Variants in GRM7 observed in about 807,000 individuals in gnomAD.
GRM7 encodes metabotropic glutamate receptor 7.
Under a neutral mutation model 84.5 loss-of-function variants are expected in GRM7, and 35 were observed. The ratio of observed to expected loss-of-function variants is 0.41; its 90% confidence interval spans 0.32 to 0.55. The LOEUF (loss-of-function observed/expected upper bound fraction) is 0.55, where lower values mean the gene tolerates loss of function less well. Ranked by LOEUF, GRM7 falls within the 20% of genes least tolerant of loss-of-function variation. GRM7 has a pLI of 0.19. For synonymous variants in GRM7, 487 were observed against 455.1 expected (o/e 1.07, Z -0.89); for missense variants, 1,003 against 1,194.6 (o/e 0.84, Z 2.36).
intron 7 of GRM7, among the ~76,000 whole-genome samples, chr3:7,532,351 G>A (rs1199163354): frequency 6.6e-6 from 1 of 152,104 alleles, no homozygotes; most frequent in Non-Finnish European, 1.5e-5. Context: ...TAGTTTTGGA[G>A]GGTGTATGCG....
At chr3:6,892,026 G>A (rs955737771) in intron 1 of GRM7, among the ~76,000 whole-genome samples, 12 of 151,768 alleles carry the variant, frequency 7.9e-5, no homozygotes, top group South Asian at 6.2e-4. Context: ...TGGTTGCATC[G>A]GCTCCTGAGG....
intron 4 of GRM7, among the ~76,000 whole-genome samples, chr3:7,394,256 A>G (rs1461230648): frequency 2.6e-5 from 4 of 152,194 alleles, no homozygotes; most frequent in Non-Finnish European, 5.9e-5. Flanking sequence ...TCTGCTATAA[A>G]TCCACCTACT....
chr3:7,601,759 G>T (rs954934642), intron 8 of GRM7, among the ~76,000 whole-genome samples: 5 of 152,060 alleles, frequency 3.3e-5, no homozygotes, highest in Non-Finnish European at 5.9e-5. Flanking sequence ...CTGGGGCCAT[G>T]TACCTCTTTG....
intron 1 of GRM7, among the ~76,000 whole-genome samples, chr3:7,051,948 T>C (rs1035052887): frequency 1.3e-5 from 2 of 151,714 alleles, no homozygotes; most frequent in Non-Finnish European, 3.0e-5. Flanking sequence ...GTAAAATATA[T>C]TTACATTAAT....
At chr3:7,547,700 A>G (rs531660041) in intron 7 of GRM7, among the ~76,000 whole-genome samples, 1 of 152,330 alleles carries the variant, frequency 6.6e-6, no homozygotes, top group South Asian at 2.1e-4. Flanking sequence ...CAAAATTTGG[A>G]TAATGGTGGC....
At chr3:7,330,052 G>C (rs1299326670) in intron 4 of GRM7, among the ~76,000 whole-genome samples, 1 of 152,082 alleles carries the variant, frequency 6.6e-6, no homozygotes, top group Admixed American at 6.6e-5. Flanking sequence ...CAACACAGAA[G>C]GTAATGTTCA....
At chr3:7,116,951 C>G (rs549047304) in intron 1 of GRM7, among the ~76,000 whole-genome samples, 1 of 152,104 alleles carries the variant, frequency 6.6e-6, no homozygotes, top group African/African-American at 2.4e-5. Flanking sequence ...AAAATTAGAG[C>G]TTAAAATCAA....
At chr3:7,229,737 ATATATATATATATATATATATATTT>A (rs1199858881) in intron 2 of GRM7, among the ~76,000 whole-genome samples, 1 of 21,894 alleles carries the variant, frequency 4.6e-5, no homozygotes, top group Non-Finnish European at 8.3e-5. Context: ...ATATATATAT[ATATATATATATATATATATATATTT>A]TTTTTTTTTT....
At chr3:7,458,667 G>A (rs1698119475) in intron 6 of GRM7, among the ~76,000 whole-genome samples, 2 of 152,108 alleles carry the variant, frequency 1.3e-5, no homozygotes, top group East Asian at 3.9e-4. Context: ...TAGGTGATGG[G>A]GCCCATTCTG....
At chr3:7,534,490 A>G (rs894264945) in intron 7 of GRM7, among the ~76,000 whole-genome samples, 8 of 152,146 alleles carry the variant, frequency 5.3e-5, no homozygotes, top group African/African-American at 1.9e-4. Flanking sequence ...GTAATTCCAT[A>G]TCTTGTGTTT....
chr3:7,608,782 C>G (rs1448410415), intron 8 of GRM7, among the ~76,000 whole-genome samples: 1 of 152,148 alleles, frequency 6.6e-6, no homozygotes, highest in African/African-American at 2.4e-5. Context: ...GTCATTAAAT[C>G]TTTGCCAGTT....
chr3:7,667,400 G>T lies in GRM7; in HGVS notation c.2452-12649G>T, dbSNP rs1187401262. On this transcript the variant is annotated intron_variant, in intron 8 of 9. Coordinates refer to ENST00000357716, the MANE Select transcript of GRM7 (RefSeq NM_000844.4). ...CTGACATCCCTATAGACATTTCTGA[G>T]TACACTATGTAGGAGACTTCGGTAT... is the stretch of plus-strand genomic sequence containing the variant. 2.0e-5 allele frequency among the ~76,000 whole-genome samples: 3 copies of T among 152,062 alleles called. No homozygotes were observed. In the East Asian group the frequency reaches 5.8e-4, roughly 29 times the overall value.
At chr3:7,146,341 G>A (rs1694109775) in intron 1 of GRM7, 111 bp from the exon 2 acceptor site, 1 of 816,096 alleles carries the variant, frequency 1.2e-6, no homozygotes, top group Non-Finnish European at 2.1e-6. Context: ...GGCAAAACAT[G>A]TATCTCCTTT....
intron 1 of GRM7, among the ~76,000 whole-genome samples, chr3:6,997,940 T>C (rs1362545702): frequency 1.3e-5 from 2 of 151,154 alleles, no homozygotes; most frequent in African/African-American, 4.9e-5. Flanking sequence ...GCCAATATGG[T>C]GAAACCCCAT....
intron 5 of GRM7, among the ~76,000 whole-genome samples, chr3:7,442,265 C>T (rs1298592677): frequency 6.6e-6 from 1 of 152,056 alleles, no homozygotes; most frequent in Admixed American, 6.6e-5. Flanking sequence ...ATTTGGTACT[C>T]AGTTTGGATG....
At chr3:7,061,943 C>A (rs961042863) in intron 1 of GRM7, among the ~76,000 whole-genome samples, 1 of 151,600 alleles carries the variant, frequency 6.6e-6, no homozygotes, top group Non-Finnish European at 1.5e-5. Context: ...ATCTAATCAA[C>A]ATGATAAAAG....
At chr3:7,026,018 CT>C (rs1695968339) in intron 1 of GRM7, among the ~76,000 whole-genome samples, 2 of 152,200 alleles carry the variant, frequency 1.3e-5, no homozygotes, top group Admixed American at 6.5e-5. Context: ...CCCAACACCC[CT>C]GACAATGACT....
intron 1 of GRM7, among the ~76,000 whole-genome samples, chr3:7,128,207 T>G (rs758964319): frequency 2.1e-4 from 32 of 152,000 alleles, no homozygotes; most frequent in Non-Finnish European, 3.8e-4. Context: ...TACACTTGTT[T>G]TTCAGAGTGT....
chr3:7,112,683 C>A (rs1413522031), intron 1 of GRM7, among the ~76,000 whole-genome samples: 3 of 152,128 alleles, frequency 2.0e-5, no homozygotes, highest in Non-Finnish European at 2.9e-5. Flanking sequence ...CCATCATGGC[C>A]ATGACTGTCA....
Sources: allele counts gnomAD v4.1 joint callset (sites outside exome capture counted in the v4.1 genomes callset), GRCh38; gene constraint gnomAD v4.1.1; transcripts MANE v1.5; gene names NCBI Gene and HGNC (gene_info 2026-07-23, HGNC 2026-07-21).